The following MAP3K4 variants were observed in gnomAD, a reference collection of about 807,000 sequenced individuals.
MAP3K4 encodes MAP three kinase 1.
A neutral mutation model predicts 185.6 loss-of-function variants in MAP3K4; 67 were observed. The ratio of observed to expected loss-of-function variants is 0.36; its 90% CI spans 0.30 to 0.44. The LOEUF is 0.44. Among genes scored for constraint, MAP3K4 ranks in the 20% least tolerant of loss-of-function variants. MAP3K4 has a pLI of 1.00. For synonymous variants in MAP3K4, 702 were observed against 710.4 expected, an observed-to-expected ratio of 0.99 and a Z score of 0.19; for missense variants, 1,551 against 1,995.1, an observed-to-expected ratio of 0.78 and a Z score of 4.24.
In MAP3K4 at chr6:161,111,960, T is replaced by TAGGG; in HGVS notation, c.4519+4_4519+7dup. On this transcript the variant is annotated splice_region_variant and intron_variant, in intron 24 of 26. Coordinates refer to ENST00000392142, the MANE Select transcript of MAP3K4 (RefSeq NM_005922.4). ...TGAACAGCACCCTGGGGACAGCAGG[T>TAGGG]AGGGACCAGCCTGGTTGTTCTTTGC... 6.2e-7 allele frequency: 1 copy of TAGGG among 1,613,856 alleles called. No individual in the cohort carries two copies. Among genetic ancestry groups the TAGGG allele is most frequent in the South Asian group, 1.1e-5 (1 of 90,970 alleles).
At chr6:161,065,433 G>A (rs1333576378) in intron 3 of MAP3K4, among the ~76,000 whole-genome samples, 1 of 152,072 alleles carries the variant, frequency 6.6e-6, no homozygotes, top group Non-Finnish European at 1.5e-5. Flanking sequence ...TCCGCTCACT[G>A]GTTTTATTGT....
chr6:161,042,956 A>G (rs1783555503), intron 2 of MAP3K4, among the ~76,000 whole-genome samples: 1 of 151,790 alleles, frequency 6.6e-6, no homozygotes, highest in South Asian at 2.1e-4. Flanking sequence ...CTGTTAGGAA[A>G]TATCTCAAGG....
intron 1 of MAP3K4, among the ~76,000 whole-genome samples, chr6:161,025,750 G>A (rs1234384972): frequency 1.3e-5 from 2 of 152,158 alleles, no homozygotes; most frequent in African/African-American, 2.4e-5. Context: ...GTAGAAGATC[G>A]TAATTCATTC....
chr6:161,007,673 T>TA lies in MAP3K4; in HGVS notation c.152+15597dup, dbSNP rs1261771824. 6.6e-6 allele frequency among the ~76,000 whole-genome samples: 1 copy of TA among 152,244 alleles called. No homozygotes were observed. Among genetic ancestry groups the TA allele is most frequent in the African/African-American group, 2.4e-5 (1 of 41,462 alleles). On this transcript the variant is annotated intron_variant, in intron 1 of 26. Coordinates refer to ENST00000392142, the MANE Select transcript of MAP3K4 (RefSeq NM_005922.4). The surrounding 1 kb of genome is among the most constrained non-coding windows in gnomAD (Gnocchi z 4.5). The stretch of plus-strand genomic sequence containing the variant: ...AATCTGTAAAGGTTTTTCTCCTTTT[T>TA]AAAAAAATTGCTTTGGTTCATATTT...
chr6:161,072,377 C>G (rs1055243228), intron 4 of MAP3K4, among the ~76,000 whole-genome samples: 3 of 152,200 alleles, frequency 2.0e-5, no homozygotes, highest in Middle Eastern at 3.4e-3. Flanking sequence ...GTATTTCTAT[C>G]CATTTGTTTT....
In MAP3K4 at chr6:161,112,020, T is replaced by A. The variant is rs549680609; in HGVS notation, c.4519+62T>A. 45 of 1,593,902 alleles carry A rather than the reference T, an allele frequency of 2.8e-5. No homozygotes were observed. The highest frequency in any genetic ancestry group is 1.7e-4 in the Middle Eastern group (1 of 5,954). On this transcript the variant is annotated intron_variant, in intron 24 of 26. Coordinates refer to ENST00000392142, the MANE Select transcript of MAP3K4 (RefSeq NM_005922.4). The surrounding 1 kb of genome is among the most constrained non-coding windows in gnomAD (Gnocchi z 5.1). ...TCATGCAGCCTGCTTGGGGCCTGCA[T>A]GTTCCCTTCACCTTTGTTTGTCAGT...
chr6:161,000,727 A>G (rs1781228307), intron 1 of MAP3K4, among the ~76,000 whole-genome samples: 2 of 150,706 alleles, frequency 1.3e-5, no homozygotes, highest in Admixed American at 1.3e-4. Context: ...ATATACACAC[A>G]CATACACACA....
In MAP3K4 at chr6:161,093,170, G is replaced by T; in HGVS notation, c.3348+114G>T. On this transcript the variant is annotated intron_variant, in intron 14 of 26. Transcript: ENST00000392142. The surrounding 1 kb of genome is among the most constrained non-coding windows in gnomAD (Gnocchi z 5.2). ...TTTTTTTCATGAGATATTAATCTCA[G>T]CATATCATGTAATGATAATGCTGAG... The T allele has an allele frequency of 1.5e-6, 1 of 672,414 alleles. No individual in the cohort carries two copies. 41.7% of individuals were successfully genotyped at this position (672,414 alleles called of 1,614,324 possible). A position where few individuals can be genotyped will look rare whatever the true frequency, so the allele number is the denominator to read the frequency against.
chr6:161,062,151 C>G (rs1034804312), intron 3 of MAP3K4, among the ~76,000 whole-genome samples: 15 of 152,120 alleles, frequency 9.9e-5, no homozygotes, highest in Non-Finnish European at 1.8e-4. Flanking sequence ...TTAATATCCC[C>G]TCTTCAATTT....
rs1403408196 is a variant in MAP3K4, at chr6:161,101,106, A to G, written c.3675-786A>G. The G allele has an allele frequency of 6.6e-6, 1 of 152,218 alleles. No individual in the cohort carries two copies. The highest frequency in any genetic ancestry group is 1.5e-5 in the Non-Finnish European group (1 of 68,038). 9.4% of individuals were successfully genotyped at this position (152,218 alleles called of 1,614,324 possible). Reference sequence around the variant, plus strand: ...AATGACTTTAATAAACTAATGCCATATTTATTTGAGGTTCTTTGATTATTC... The same window carrying G: ...AATGACTTTAATAAACTAATGCCATGTTTATTTGAGGTTCTTTGATTATTC... On this transcript the variant is annotated intron_variant, in intron 17 of 26. Transcript: ENST00000392142. The surrounding 1 kb of genome is among the most constrained non-coding windows in gnomAD (Gnocchi z 5.1).
rs1005351113 is a variant in MAP3K4 at position 161,108,343 on chromosome 6, T to C, written c.4119+374T>C. On this transcript the variant is annotated intron_variant, in intron 21 of 26. Coordinates refer to ENST00000392142, the MANE Select transcript of MAP3K4 (RefSeq NM_005922.4). The surrounding 1 kb of genome is among the most constrained non-coding windows in gnomAD (Gnocchi z 5.7). ...CAGAAACAAGTGGCATTGAAACCGC[T>C]GGAGGTAGGATGGGGAAAGGGCCAG... is the stretch of plus-strand genomic sequence containing the variant. 6.6e-6 allele frequency among the ~76,000 whole-genome samples: 1 copy of C among 152,144 alleles called. No homozygotes were observed. The highest frequency in any genetic ancestry group is 2.4e-5 in the African/African-American group (1 of 41,438).
At chr6:161,026,374 A>C (rs1335779259) in intron 1 of MAP3K4, among the ~76,000 whole-genome samples, 1 of 151,768 alleles carries the variant, frequency 6.6e-6, no homozygotes, top group Non-Finnish European at 1.5e-5. Context: ...TGACCTCGTG[A>C]TCTGCCCTCC....
intron 2 of MAP3K4, among the ~76,000 whole-genome samples, chr6:161,041,508 C>T (rs926592463): frequency 6.6e-6 from 1 of 152,226 alleles, no homozygotes; most frequent in South Asian, 2.1e-4. Flanking sequence ...TCTAGGGGCT[C>T]AGCTGGTATG....
At chr6:161,057,931 A>G (rs535318877) in intron 3 of MAP3K4, among the ~76,000 whole-genome samples, 3 of 152,392 alleles carry the variant, frequency 2.0e-5, no homozygotes, top group African/African-American at 7.2e-5. Flanking sequence ...ACCGACTCAA[A>G]CTGATGTAAT....
In MAP3K4 at chr6:161,053,018, T is replaced by G. The variant is rs574854564; in HGVS notation, c.1707+3039T>G. 2.0e-5 allele frequency among the ~76,000 whole-genome samples: 3 copies of G among 152,274 alleles called. No individual in the cohort carries two copies. The highest frequency in any genetic ancestry group is 7.2e-5 in the African/African-American group (3 of 41,544). On this transcript the variant is annotated intron_variant, in intron 3 of 26. Coordinates refer to ENST00000392142, the MANE Select transcript of MAP3K4 (RefSeq NM_005922.4). This position sits in a 1 kb window ranked among gnomAD's most constrained non-coding sequence, Gnocchi z 4.2. ...AAAAAGATAGGCGGTAAGTGGTGTT[T>G]TCATTCCCACACTGCTATAAAGAAA...
chr6:161,040,031 A>G (rs1783378318), intron 2 of MAP3K4, among the ~76,000 whole-genome samples: 1 of 152,136 alleles, frequency 6.6e-6, no homozygotes, highest in African/African-American at 2.4e-5. Context: ...ATTGAATGGT[A>G]TGTGTGTTTT....
chr6:161,088,011 G>A lies in MAP3K4; in HGVS notation c.2823+57G>A, dbSNP rs569705694. On this transcript the variant is annotated intron_variant, in intron 10 of 26. Coordinates refer to ENST00000392142, the MANE Select transcript of MAP3K4 (RefSeq NM_005922.4). This position sits in a 1 kb window ranked among gnomAD's most constrained non-coding sequence, Gnocchi z 4.5. ...TACTTCAAGGACTTTTAGTAAGAATGAACTGTTAGCTGCTCATGAATGAGG... is the reference window on the plus strand; with the variant it reads ...TACTTCAAGGACTTTTAGTAAGAATAAACTGTTAGCTGCTCATGAATGAGG... 1.7e-3 allele frequency: 2,599 copies of A among 1,541,790 alleles called. 1 individual carries two copies. Among genetic ancestry groups the A allele is most frequent in the Non-Finnish European group, 2.1e-3 (2,356 of 1,144,540 alleles).
At chr6:161,068,023 G>C (rs1784782969) in intron 3 of MAP3K4, among the ~76,000 whole-genome samples, 1 of 152,174 alleles carries the variant, frequency 6.6e-6, no homozygotes, top group Admixed American at 6.5e-5. Flanking sequence ...AATAGCTGGG[G>C]AAGAAGAAAC....
At chr6:161,079,717 C>T (rs551639456) in intron 5 of MAP3K4, among the ~76,000 whole-genome samples, 49 of 152,208 alleles carry the variant, frequency 3.2e-4, no homozygotes, top group African/African-American at 1.2e-3. Context: ...GTGTTGAGGA[C>T]TGTAGACCCA....
Sources: gnomAD v4.1 joint callset for allele counts (sites outside exome capture counted in the v4.1 genomes callset) on GRCh38, gnomAD v4.1.1 for gene constraint, Gnocchi (gnomAD v3.1) non-coding constraint, MANE v1.5 for transcripts, NCBI Gene and HGNC (gene_info 2026-07-23, HGNC 2026-07-21) for gene names.